CD320: variants seen among roughly 807,000 people sequenced by gnomAD.
The protein encoded by CD320 is CD320 antigen.
In CD320, 16 loss-of-function variants were observed where a neutral mutation model predicts 22.1. The ratio of observed to expected loss-of-function variants is 0.73; its 90% CI spans 0.49 to 1.10. The LOEUF is 1.10. Ranked by LOEUF, CD320 falls within the 50% of genes least tolerant of loss-of-function variation. The pLI is 0.00. For synonymous variants in CD320, 188 were observed against 167.8 expected (o/e 1.12, Z -0.93); for missense variants, 388 against 376.9 (o/e 1.03, Z -0.24).
chr19:8,304,366 G>A (rs763037518), intron 2 of CD320, among the ~76,000 whole-genome samples: 2 of 151,914 alleles, frequency 1.3e-5, no homozygotes, highest in African/African-American at 2.4e-5. Context: ...CTTTTGAGAC[G>A]GGGTCTCCCT....
rs1970051671 is a variant in CD320, at chr19:8,304,059, AT to A, written c.297del (p.Gln99HisfsTer35). 1.3e-6 allele frequency: 2 copies of A among 1,549,368 alleles called. No homozygotes were observed. The highest frequency in any genetic ancestry group is 1.7e-6 in the Non-Finnish European group (2 of 1,143,256). Reference protein sequence around the residue: ...CRIEPCTQKGQCPPPPGLPCP... With the variant: ...CRIEPCTQKGXCPPPPGLPCP... Reference sequence around the variant, plus strand: ...CAGGGGAGGCCAGGGGGCGGTGGGCATTGCCCTTTCTGGGTACATGGCTCAA... The same window carrying A: ...CAGGGGAGGCCAGGGGGCGGTGGGCATGCCCTTTCTGGGTACATGGCTCAA... On this transcript the variant is annotated frameshift_variant, in exon 3 of 5. Coordinates refer to ENST00000301458, the MANE Select transcript of CD320 (RefSeq NM_016579.4). LOFTEE classifies it high-confidence loss of function.
At chr19:8,304,201 A>C in intron 2 of CD320, 113 bp from the exon 3 acceptor site, 4 of 641,122 alleles carry the variant, frequency 6.2e-6, no homozygotes, top group Non-Finnish European at 1.1e-5. Flanking sequence ...GCCCAAAAAA[A>C]TGCTCCCTTC....
chr19:8,305,241 A>T, intron 1 of CD320, 85 bp from the exon 2 acceptor site: 5 of 1,500,546 alleles, frequency 3.3e-6, no homozygotes, highest in Non-Finnish European at 4.5e-6. Context: ...TGTGATCCGC[A>T]GGAGACAGGC....
chr19:8,303,563 C>G (rs1399128924), intron 3 of CD320, among the ~76,000 whole-genome samples: 1 of 152,170 alleles, frequency 6.6e-6, no homozygotes, highest in Non-Finnish European at 1.5e-5. Flanking sequence ...CAGGTGTGTG[C>G]CACCATGCCC....
intron 1 of CD320, among the ~76,000 whole-genome samples, chr19:8,306,138 C>T (rs757022848): frequency 6.6e-6 from 1 of 152,202 alleles, no homozygotes; most frequent in African/African-American, 2.4e-5. Context: ...CTCCTCCCTA[C>T]ACCCTGTGTT....
Position 8,303,729 on chromosome 19 carries a change from G to C in CD320, c.502+126C>G, listed in dbSNP as rs183481136. The C allele has an allele frequency of 2.3e-4, 164 of 701,926 alleles. 1 individual carries two copies. The African/African-American group carries it at 2.3e-3, about 10-fold the overall frequency. 43.5% of individuals were successfully genotyped at this position (701,926 alleles called of 1,614,324 possible). On this transcript the variant is annotated intron_variant, in intron 3 of 4. Coordinates refer to ENST00000301458, the MANE Select transcript of CD320 (RefSeq NM_016579.4). ...CGGGCCCGGCCCCTAATGATGTCTT[G>C]ATTCCCCCACAGGGATGCAGGCACG...
chr19:8,307,135 T>C (rs749846867), intron 1 of CD320, among the ~76,000 whole-genome samples: 1 of 151,676 alleles, frequency 6.6e-6, no homozygotes, highest in African/African-American at 2.4e-5. Flanking sequence ...CTACTAAAAA[T>C]ACAAAAATTA....
chr19:8,302,348 C>T lies in CD320; in HGVS notation c.*115G>A, dbSNP rs760253314. 2.2e-6 allele frequency: 3 copies of T among 1,345,046 alleles called. No homozygotes were observed. The Admixed American group carries it at 5.0e-5, about 23-fold the overall frequency. 83.3% of individuals were successfully genotyped at this position (1,345,046 alleles called of 1,614,324 possible). The stretch of plus-strand genomic sequence containing the variant: ...AGCTCGGGTTCGAGGTTCCACGTGG[C>T]CAGAAGAGCTCAGGTCTCTGAGGGC... On this transcript the variant is annotated 3_prime_UTR_variant, in exon 5 of 5. Transcript: ENST00000301458.
Position 8,308,331 on chromosome 19 carries a change from GCT to G in CD320, c.-43_-42del, listed in dbSNP as rs750690595. The G allele has an allele frequency of 4.8e-5, 75 of 1,573,434 alleles. No homozygotes were observed. Among genetic ancestry groups the G allele is most frequent in the Non-Finnish European group, 6.3e-5 (73 of 1,167,120 alleles). On this transcript the variant is annotated 5_prime_UTR_variant, in exon 1 of 5. Coordinates refer to ENST00000301458, the MANE Select transcript of CD320 (RefSeq NM_016579.4). ...GCGCCGGCCACGCGCTGTCCAGACC[GCT>G]CTCTTATCCCTGCGCACGCGCACGC...
At chr19:8,304,189 G>A (rs961066695) in intron 2 of CD320, 101 bp from the exon 3 acceptor site, 3 of 662,296 alleles carry the variant, frequency 4.5e-6, no homozygotes, top group African/African-American at 2.1e-5. Flanking sequence ...AAGAACAGCT[G>A]AGCCCAAAAA....
chr19:8,306,045 C>T (rs1764121904), intron 1 of CD320: 14 of 152,390 alleles, frequency 9.2e-5, no homozygotes, highest in Admixed American at 8.5e-4. Flanking sequence ...CTCTCCCCAT[C>T]CTAAATGTGT....
At chr19:8,306,804 C>T (rs949926482) in intron 1 of CD320, among the ~76,000 whole-genome samples, 6 of 152,190 alleles carry the variant, frequency 3.9e-5, no homozygotes, top group Non-Finnish European at 7.3e-5. Context: ...ACTTCCACAG[C>T]CCTGACACCT....
chr19:8,302,586 C>G lies in CD320; in HGVS notation c.726G>C (p.Leu242=), dbSNP rs774497894. 4 of 1,613,612 alleles carry G rather than the reference C, an allele frequency of 2.5e-6. No homozygotes were observed. The African/African-American group carries it at 4.0e-5, about 16-fold the overall frequency. The change falls in exon 5 of 5, where the codon CTG becomes CTC. Residue 242 remains leucine (L), a synonymous_variant. Coordinates refer to ENST00000301458, the MANE Select transcript of CD320 (RefSeq NM_016579.4). The part of the protein sequence containing the change: ...IAAAAVLSAS[L]VTATLLLLSW... ...ACAAAAGGAGGAGGGTGGCGGTGAC[C>G]AGGCTTGCACTGAGCACCGCTGTGG...
chr19:8,308,134 C>CG lies in CD320; in HGVS notation c.142+14dup. On this transcript the variant is annotated intron_variant, in intron 1 of 4. Transcript: ENST00000301458. The stretch of plus-strand genomic sequence containing the variant: ...TCGCGAGGGGTGGGAGCCCGCGCTG[C>CG]GGGGCGTCACTCACCTGCGGCCTGG... 1 of 1,489,054 alleles carries CG rather than the reference C, an allele frequency of 6.7e-7. No homozygotes were observed. Among genetic ancestry groups the CG allele is most frequent in the Non-Finnish European group, 8.9e-7 (1 of 1,128,864 alleles). The allele number at this position is 1,489,054 out of a possible 1,614,324, so 92.2% of individuals were successfully genotyped here. A position where few individuals can be genotyped will look rare whatever the true frequency, so the allele number is the denominator to read the frequency against.
In CD320 at chr19:8,308,200, G is replaced by A. The variant is rs1970124924; in HGVS notation, c.91C>T (p.Leu31=). 5 of 1,568,952 alleles carry A rather than the reference G, an allele frequency of 3.2e-6. No individual in the cohort carries two copies. The highest frequency in any genetic ancestry group is 2.3e-5 in the East Asian group (1 of 42,974). Residue 31 remains leucine, a synonymous_variant, in exon 1 of 5, where the codon CTG becomes TTG. Transcript: ENST00000301458. ...GAAAGCGGGCTCGCGGCGGCCTCCA[G>A]GCCTAGTCCGAGGCCGAGCAGCAGC... is the stretch of plus-strand genomic sequence containing the variant. ...LLLLLGLGLG[L]EAAASPLSTP...
At chr19:8,306,864 G>A (rs937478457) in intron 1 of CD320, among the ~76,000 whole-genome samples, 1 of 152,186 alleles carries the variant, frequency 6.6e-6, no homozygotes, top group African/African-American at 2.4e-5. Context: ...CTGCAAAGTG[G>A]ACAGTAGAGC....
At chr19:8,307,560 C>T (rs551066237) in intron 1 of CD320, among the ~76,000 whole-genome samples, 81 of 152,244 alleles carry the variant, frequency 5.3e-4, no homozygotes, top group African/African-American at 1.8e-3. Context: ...CCCCACTGGC[C>T]ACCAATACCT....
intron 3 of CD320, among the ~76,000 whole-genome samples, chr19:8,303,266 G>A (rs1029924775): frequency 1.3e-5 from 2 of 151,880 alleles, no homozygotes; most frequent in Admixed American, 6.6e-5. Flanking sequence ...ACAGGTGCAC[G>A]CCACCACGCC....
Position 8,303,940 on chromosome 19 carries a change from G to C in CD320, c.417C>G (p.Cys139Trp), listed in dbSNP as rs1400061075. ...RLACLAGELR[C>W]TLSDDCIPLT... Reference sequence around the variant, plus strand: ...GTGGAATGCAGTCATCGCTCAGCGTGCAACGGAGCTCGCCTGCTAGGCAGG... The same window carrying C: ...GTGGAATGCAGTCATCGCTCAGCGTCCAACGGAGCTCGCCTGCTAGGCAGG... The change falls in exon 3 of 5, where the codon TGC becomes TGG. Residue 139 changes from cysteine to tryptophan, a missense_variant. By Grantham distance (215) the Cys-to-Trp change is radical. Coordinates refer to ENST00000301458, the MANE Select transcript of CD320 (RefSeq NM_016579.4). 1 of 1,597,642 alleles carries C rather than the reference G, an allele frequency of 6.3e-7. No homozygotes were observed. Among genetic ancestry groups the C allele is most frequent in the Non-Finnish European group, 8.5e-7 (1 of 1,172,498 alleles).
Sources: gnomAD v4.1 joint callset for allele counts (sites outside exome capture counted in the v4.1 genomes callset) on GRCh38, gnomAD v4.1.1 for gene constraint, MANE v1.5 for transcripts, NCBI Gene and HGNC (gene_info 2026-07-23, HGNC 2026-07-21) for gene names.